HIPK2: variants seen among roughly 807,000 people sequenced by gnomAD.
The protein encoded by HIPK2 is homeodomain interacting protein kinase 2.
In HIPK2, 27 loss-of-function variants were observed where a neutral mutation model predicts 113.7. That is an observed-to-expected ratio of 0.24 (90% CI 0.17 to 0.33). The LOEUF (loss-of-function observed/expected upper bound fraction) is 0.33, where lower values mean the gene tolerates loss of function less well. Among genes scored for constraint, HIPK2 ranks in the 10% least tolerant of loss-of-function variants. The pLI is 1.00. For synonymous variants in HIPK2, 631 were observed against 642.2 expected (o/e 0.98, Z 0.26); for missense variants, 1,257 against 1,588.0 (o/e 0.79, Z 3.54).
At chr7:139,632,356 C>T (rs1286872318) in intron 2 of HIPK2, among the ~76,000 whole-genome samples, 2 of 152,172 alleles carry the variant, frequency 1.3e-5, no homozygotes, top group Admixed American at 6.5e-5. Context: ...ACAAGCTGTC[C>T]CCTTCCCAAA....
intron 2 of HIPK2, among the ~76,000 whole-genome samples, chr7:139,705,357 AC>A (rs1176092424): frequency 6.6e-6 from 1 of 151,612 alleles, no homozygotes; most frequent in African/African-American, 2.4e-5. Flanking sequence ...AGGGAAAACT[AC>A]TACCAACTGC....
chr7:139,585,540 T>C (rs961079281), intron 12 of HIPK2, among the ~76,000 whole-genome samples: 23 of 152,250 alleles, frequency 1.5e-4, no homozygotes, highest in Admixed American at 1.3e-3. Context: ...GTCAGCTGTC[T>C]AACTTCGGCA....
At chr7:139,625,089 G>A (rs1338413342) in intron 6 of HIPK2, among the ~76,000 whole-genome samples, 3 of 152,116 alleles carry the variant, frequency 2.0e-5, no homozygotes, top group Admixed American at 6.5e-5. Context: ...CAGCACATAC[G>A]CTGACATCCA....
chr7:139,628,487 G>T (rs1800504274), intron 5 of HIPK2, among the ~76,000 whole-genome samples: 1 of 152,184 alleles, frequency 6.6e-6, no homozygotes, highest in Non-Finnish European at 1.5e-5. Context: ...TTGTTGTCCA[G>T]GCTGGAGTGC....
intron 2 of HIPK2, among the ~76,000 whole-genome samples, chr7:139,704,821 C>T (rs148630639): frequency 0.017 from 2,655 of 152,200 alleles, 40 homozygotes; most frequent in Admixed American, 0.027. Context: ...GAGGCCCCTG[C>T]ACTCCACCGT....
chr7:139,632,652 T>G (rs192974613), intron 2 of HIPK2, among the ~76,000 whole-genome samples: 17 of 152,350 alleles, frequency 1.1e-4, no homozygotes, highest in Admixed American at 3.9e-4. Context: ...AGGGAGTTGG[T>G]AATCAACACT....
At chr7:139,681,840 T>G (rs1194556456) in intron 2 of HIPK2, among the ~76,000 whole-genome samples, 2 of 152,200 alleles carry the variant, frequency 1.3e-5, no homozygotes, top group African/African-American at 4.8e-5. Flanking sequence ...TTCTCTGAGC[T>G]GGAATCTTCC....
At chr7:139,661,750 AT>A (rs1801874009) in intron 2 of HIPK2, among the ~76,000 whole-genome samples, 1 of 152,228 alleles carries the variant, frequency 6.6e-6, no homozygotes, top group Non-Finnish European at 1.5e-5. Context: ...AAGTTTAGGA[AT>A]TTGTGTTGAG....
chr7:139,584,182 C>CT lies in HIPK2; in HGVS notation c.2718-119dup, dbSNP rs1279673237. ...CAGAGGGGAGAGGGCAGGAACAGGGCTTTTGCCCTCCCTAACCCCCATAGG... is the reference window on the plus strand; with the variant it reads ...CAGAGGGGAGAGGGCAGGAACAGGGCTTTTTGCCCTCCCTAACCCCCATAGG... On this transcript the variant is annotated intron_variant, in intron 12 of 14. Coordinates refer to ENST00000406875, the MANE Select transcript of HIPK2 (RefSeq NM_022740.5). The CT allele has an allele frequency of 2.2e-6, 3 of 1,370,022 alleles. No individual in the cohort carries two copies. The African/African-American group carries it at 4.4e-5, about 20-fold the overall frequency. 84.9% of individuals were successfully genotyped at this position (1,370,022 alleles called of 1,614,324 possible).
At chr7:139,601,353 T>A (rs529516388) in intron 10 of HIPK2, among the ~76,000 whole-genome samples, 1 of 152,220 alleles carries the variant, frequency 6.6e-6, no homozygotes, top group Admixed American at 6.5e-5. Context: ...CTCTGTGACG[T>A]AGGCAGGATA....
chr7:139,663,698 C>T (rs903712816), intron 2 of HIPK2, among the ~76,000 whole-genome samples: 11 of 152,128 alleles, frequency 7.2e-5, no homozygotes, highest in South Asian at 2.1e-4. Context: ...ACATTAGAAA[C>T]AAACAAACAA....
rs552664381 is a variant in HIPK2 at position 139,563,076 on chromosome 7, G to A, written c.*9851C>T. 3 of 151,906 alleles carry A rather than the reference G, an allele frequency of 2.0e-5. No individual in the cohort carries two copies. The highest frequency in any genetic ancestry group is 1.3e-4 in the Admixed American group (2 of 15,240). The allele number at this position is 151,906 out of a possible 1,614,324, so 9.4% of individuals were successfully genotyped here. On this transcript the variant is annotated 3_prime_UTR_variant, in exon 15 of 15. Coordinates refer to ENST00000406875, the MANE Select transcript of HIPK2 (RefSeq NM_022740.5). Reference sequence around the variant, plus strand: ...ACACAAAAGGGAGGAGAGCAGAAACGGGGGACCGACTGACTCAGGGCAGCG... The same window carrying A: ...ACACAAAAGGGAGGAGAGCAGAAACAGGGGACCGACTGACTCAGGGCAGCG...
intron 2 of HIPK2, among the ~76,000 whole-genome samples, chr7:139,690,371 T>A (rs1457744709): frequency 6.9e-6 from 1 of 144,656 alleles, no homozygotes; most frequent in Admixed American, 6.7e-5. Context: ...ACAGTTTTGA[T>A]GTTTGTCCCC....
chr7:139,633,303 C>A (rs1800687070), intron 2 of HIPK2, among the ~76,000 whole-genome samples: 1 of 151,950 alleles, frequency 6.6e-6, no homozygotes, highest in South Asian at 2.1e-4. Flanking sequence ...TTTCACACAC[C>A]TAGCATGAGA....
At chr7:139,659,737 C>T (rs1200916552) in intron 2 of HIPK2, among the ~76,000 whole-genome samples, 2 of 133,308 alleles carry the variant, frequency 1.5e-5, no homozygotes, top group African/African-American at 2.8e-5. Context: ...TTCTGGCTGG[C>T]TAGAGCTGCA....
chr7:139,604,372 G>GT, intron 9 of HIPK2, 149 bp from the exon 10 acceptor site: 1 of 1,111,062 alleles, frequency 9.0e-7, no homozygotes. Flanking sequence ...AAAAACTAAA[G>GT]TAAGGGGAGA....
intron 1 of HIPK2, among the ~76,000 whole-genome samples, chr7:139,733,324 G>A (rs1181899122): frequency 6.6e-6 from 1 of 152,156 alleles, no homozygotes; most frequent in African/African-American, 2.4e-5. Context: ...AGGGGAGGGT[G>A]GTCAGCTAGC....
intron 13 of HIPK2, among the ~76,000 whole-genome samples, chr7:139,577,648 C>A (rs1045857684): frequency 1.2e-4 from 19 of 152,294 alleles, no homozygotes; most frequent in African/African-American, 4.3e-4. Flanking sequence ...TTACAACAAG[C>A]ATTGCTTCTG....
intron 10 of HIPK2, among the ~76,000 whole-genome samples, chr7:139,602,098 G>C (rs528133405): frequency 6.6e-6 from 1 of 151,880 alleles, no homozygotes; most frequent in Non-Finnish European, 1.5e-5. Flanking sequence ...GATTACAGGC[G>C]TGCACTGCCA....
Sources: allele counts gnomAD v4.1 joint callset (sites outside exome capture counted in the v4.1 genomes callset), GRCh38; gene constraint gnomAD v4.1.1; transcripts MANE v1.5; gene names NCBI Gene and HGNC (gene_info 2026-07-23, HGNC 2026-07-21).